Variants in HHIPL1 observed in about 807,000 individuals in gnomAD.
HHIPL1 encodes the protein HHIP-like protein 1.
HHIPL1 carries 43 observed loss-of-function variants against 61.8 expected under a neutral mutation model. That is an observed-to-expected ratio of 0.70 (90% confidence interval 0.55 to 0.90). The LOEUF (loss-of-function observed/expected upper bound fraction) is 0.90. HHIPL1 is among the 40% of genes least tolerant of loss of function. The pLI is 0.00. For missense variants in HHIPL1, 1,056 were observed against 1,157.7 expected (o/e 0.91, Z 1.28); for synonymous variants, 482 against 515.8 (o/e 0.93, Z 0.89).
chr14:99,628,929 A>C, the HHIPL1 span, among the ~76,000 whole-genome samples: 1 of 152,196 alleles, frequency 6.6e-6, no homozygotes, highest in Non-Finnish European at 1.5e-5. Flanking sequence ...GTCCAAGCCT[A>C]GGTGCCTCCC....
chr14:99,614,436 G>A, the HHIPL1 span, among the ~76,000 whole-genome samples: 32 of 152,192 alleles, frequency 2.1e-4, no homozygotes, highest in African/African-American at 6.0e-4. Flanking sequence ...CCAAGAGGCA[G>A]CTAGCTGGTC....
intron 2 of HHIPL1, among the ~76,000 whole-genome samples, chr14:99,656,772 C>G (rs1178902848): frequency 1.5e-4 from 1 of 6,512 alleles, no homozygotes; most frequent in Non-Finnish European, 1.2e-3. Context: ...AACACTCTGT[C>G]TGCAAAAAGA....
At chr14:99,673,450 G>A (rs1341417853) in intron 8 of HHIPL1, among the ~76,000 whole-genome samples, 1 of 147,312 alleles carries the variant, frequency 6.8e-6, no homozygotes, top group Non-Finnish European at 1.5e-5. Flanking sequence ...TGATCGAAGT[G>A]TGTGCCAGGT....
chr14:99,662,882 G>A lies in HHIPL1; in HGVS notation c.1509G>A (p.Leu503=), dbSNP rs374610563. 14 of 1,597,124 alleles carry A rather than the reference G, an allele frequency of 8.8e-6. No individual in the cohort carries two copies. Among genetic ancestry groups the A allele is most frequent in the Middle Eastern group, 1.7e-4 (1 of 5,988 alleles). Residue 503 remains leucine, a synonymous_variant, in exon 6 of 9, where the codon CTG becomes CTA. Transcript: ENST00000330710. The part of the protein sequence containing the change: ...YIFGDFMSGR[L]MSLQENPGTG... ...AGCTCATCTTCCTTTGCAGGCGTCTGATGTCCCTCCAAGAGAACCCAGGGA... is the reference window on the plus strand; with the variant it reads ...AGCTCATCTTCCTTTGCAGGCGTCTAATGTCCCTCCAAGAGAACCCAGGGA...
rs1284961715 is a variant in HHIPL1, at chr14:99,662,984, C to T, written c.1611C>T (p.Tyr537=). ...TCEFPGLINN[Y]YPYIISFGED... ...AGTTCCCAGGCCTCATCAACAACTA[C>T]TACCCGTACATCATCTCCTTCGGGG... is the stretch of plus-strand genomic sequence containing the variant. The change falls in exon 6 of 9, where the codon TAC becomes TAT. Residue 537 remains tyrosine, a synonymous_variant. Transcript: ENST00000330710. 3.1e-6 allele frequency: 5 copies of T among 1,613,582 alleles called. No homozygotes were observed. The highest frequency in any genetic ancestry group is 4.2e-6 in the Non-Finnish European group (5 of 1,179,774).
the HHIPL1 span, among the ~76,000 whole-genome samples, chr14:99,623,216 G>A: frequency 6.6e-6 from 1 of 152,332 alleles, no homozygotes; most frequent in African/African-American, 2.4e-5. Context: ...TGATTTAATA[G>A]GGGTGTAACG....
At chr14:99,642,803 C>A (rs2140044310), upstream of HHIPL1, among the ~76,000 whole-genome samples, 1 of 152,274 alleles carries the variant, frequency 6.6e-6, no homozygotes, top group East Asian at 1.9e-4. Context: ...GGGTTACAGG[C>A]ATGAGCCACT....
intron 2 of HHIPL1, among the ~76,000 whole-genome samples, chr14:99,654,188 CAAAAAAAAAAAAA>C (rs754501639): frequency 1.1e-5 from 1 of 90,000 alleles, no homozygotes; most frequent in Middle Eastern, 5.4e-3. Context: ...GACTCTGTCT[CAAAAAAAAAAAAA>C]AAAAAAAGAA....
the HHIPL1 span, among the ~76,000 whole-genome samples, chr14:99,636,415 G>C: frequency 6.6e-6 from 1 of 152,202 alleles, no homozygotes; most frequent in Non-Finnish European, 1.5e-5. Flanking sequence ...TAGCACGGTT[G>C]TGGGTCTTTA....
intron 2 of HHIPL1, among the ~76,000 whole-genome samples, chr14:99,654,354 G>A (rs546576967): frequency 2.6e-5 from 4 of 152,216 alleles, no homozygotes; most frequent in Non-Finnish European, 5.9e-5. Context: ...AGTGGAAGCT[G>A]GAGCCATAAT....
the HHIPL1 span, among the ~76,000 whole-genome samples, chr14:99,630,654 T>C: frequency 2.6e-5 from 4 of 152,180 alleles, no homozygotes; most frequent in African/African-American, 9.7e-5. Flanking sequence ...TGCCAGCACA[T>C]AGCATGTGGG....
chr14:99,650,502 T>G (rs2055910474), intron 1 of HHIPL1, among the ~76,000 whole-genome samples: 1 of 152,052 alleles, frequency 6.6e-6, no homozygotes, highest in Non-Finnish European at 1.5e-5. Context: ...AGGGGTAGGG[T>G]GCAGGGAGGG....
At chr14:99,667,254 T>C (rs1279341306) in intron 6 of HHIPL1, among the ~76,000 whole-genome samples, 1 of 151,896 alleles carries the variant, frequency 6.6e-6, no homozygotes. Flanking sequence ...TTTCCTGAGT[T>C]CTGGTCCTGG....
intron 2 of HHIPL1, among the ~76,000 whole-genome samples, chr14:99,656,592 A>G (rs2056031195): frequency 1.3e-5 from 2 of 151,882 alleles, no homozygotes; most frequent in Admixed American, 1.3e-4. Flanking sequence ...CCTGGCCAAC[A>G]TGGTGAAACC....
intron 7 of HHIPL1, among the ~76,000 whole-genome samples, chr14:99,669,708 T>C (rs1275082008): frequency 1.3e-5 from 2 of 151,704 alleles, no homozygotes; most frequent in Admixed American, 6.6e-5. Context: ...GAGAGTTTCA[T>C]GAGCCCAGAA....
At chr14:99,646,837 A>ATATGATATG (rs1566804853) in intron 1 of HHIPL1, among the ~76,000 whole-genome samples, 9 of 79,006 alleles carry the variant, frequency 1.1e-4, no homozygotes, top group African/African-American at 4.6e-4. Flanking sequence ...GATATGATAT[A>ATATGATATG]ATATAATATA....
At chr14:99,672,741 A>T (rs1431848899) in intron 8 of HHIPL1, among the ~76,000 whole-genome samples, 1 of 152,216 alleles carries the variant, frequency 6.6e-6, no homozygotes, top group Non-Finnish European at 1.5e-5. Context: ...AGGGGCTGGC[A>T]TATGGGCTGG....
intron 1 of HHIPL1, among the ~76,000 whole-genome samples, chr14:99,651,565 C>T (rs1458909563): frequency 2.0e-5 from 3 of 152,154 alleles, no homozygotes; most frequent in Non-Finnish European, 4.4e-5. Context: ...GTGAGAACTC[C>T]GCCCCGTGAT....
Position 99,649,297 on chromosome 14 carries a change from G to A in HHIPL1, c.256-2927G>A, listed in dbSNP as rs748646190. On this transcript the variant is annotated intron_variant, in intron 1 of 8. Transcript: ENST00000330710. ...GGAGGGCTCTCGTTGCCTTCCAGAT[G>A]TCTGTTCTGCCCCTCACTGCGTCTC... 2.0e-5 allele frequency among the ~76,000 whole-genome samples: 3 copies of A among 152,190 alleles called. No homozygotes were observed. In the East Asian group the frequency reaches 5.8e-4, roughly 29 times the overall value.
Sources: gnomAD v4.1 joint callset for allele counts (sites outside exome capture counted in the v4.1 genomes callset) on GRCh38, gnomAD v4.1.1 for gene constraint, MANE v1.5 for transcripts, NCBI Gene and HGNC (gene_info 2026-07-23, HGNC 2026-07-21) for gene names.